FREM1: variants seen among roughly 807,000 people sequenced by gnomAD.
FREM1 encodes FRAS1-related extracellular matrix protein 1.
In FREM1, 220 loss-of-function variants were observed where a neutral mutation model predicts 210.1. That is an observed-to-expected ratio of 1.05 (90% CI 0.94 to 1.17). The LOEUF (loss-of-function observed/expected upper bound fraction) is 1.17. FREM1 is among the 50% of genes most tolerant of loss of function. The pLI is 0.00. For synonymous variants in FREM1, 1,189 were observed against 980.2 expected (o/e 1.21, Z -3.98); for missense variants, 3,454 against 2,675.5 (o/e 1.29, Z -6.42).
At chr9:14,756,518 T>C in intron 28 of FREM1, 72 bp from the exon 29 acceptor site, 2 of 1,074,268 alleles carry the variant, frequency 1.9e-6, no homozygotes, top group South Asian at 1.4e-5. Flanking sequence ...CTATTCTCCC[T>C]CATACTGGAC....
intron 25 of FREM1, among the ~76,000 whole-genome samples, chr9:14,775,159 AAGGAAAAGTAGATTCAGAAG>A (rs985003863): frequency 1.4e-4 from 22 of 152,204 alleles, no homozygotes; most frequent in Non-Finnish European, 2.4e-4. Flanking sequence ...TTTTTCAAAG[AAGGAAAAGTAGATTCAGAAG>A]AGTTAAAGAA....
chr9:14,808,767 G>A lies in FREM1; in HGVS notation c.2894-633C>T, dbSNP rs114970278. Among the ~76,000 whole-genome samples, 887 of 152,164 alleles carry A rather than the reference G, an allele frequency of 5.8e-3. 7 individuals are homozygous for A. The highest frequency in any genetic ancestry group is 0.02 in the African/African-American group (843 of 41,496). ...TCACTGTTTAGGTCTTACATCTGTAGGATTCAAAATGTCCCCAGTTTAGAC... is the reference window on the plus strand; with the variant it reads ...TCACTGTTTAGGTCTTACATCTGTAAGATTCAAAATGTCCCCAGTTTAGAC... On this transcript the variant is annotated intron_variant, in intron 16 of 36. Transcript: ENST00000380880.
At chr9:14,779,273 G>C (rs1004547849) in intron 24 of FREM1, among the ~76,000 whole-genome samples, 4 of 152,176 alleles carry the variant, frequency 2.6e-5, no homozygotes, top group Non-Finnish European at 5.9e-5. Flanking sequence ...GTGCTCTGTG[G>C]AGAGTGTTAA....
intron 1 of FREM1, among the ~76,000 whole-genome samples, chr9:14,896,757 A>C (rs950576352): frequency 6.6e-6 from 1 of 152,242 alleles, no homozygotes; most frequent in African/African-American, 2.4e-5. Context: ...CTGTGATAGC[A>C]TAGGAGCAAA....
Position 14,837,660 on chromosome 9 carries a change from A to C in FREM1, c.1881+3787T>G, listed in dbSNP as rs142532078. Among the ~76,000 whole-genome samples the C allele has an allele frequency of 1.1e-3, 165 of 152,338 alleles. 1 individual carries two copies. Among genetic ancestry groups the C allele is most frequent in the African/African-American group, 3.7e-3 (153 of 41,586 alleles). ...ATTAAGTGGAGCCTCACTGATCCACACTATGGCTGGGAAGTCCCACAGAGA... is the reference window on the plus strand; with the variant it reads ...ATTAAGTGGAGCCTCACTGATCCACCCTATGGCTGGGAAGTCCCACAGAGA... On this transcript the variant is annotated intron_variant, in intron 10 of 36. Transcript: ENST00000380880.
At chr9:14,833,726 T>G (rs1286503719) in intron 10 of FREM1, among the ~76,000 whole-genome samples, 1 of 152,214 alleles carries the variant, frequency 6.6e-6, no homozygotes, top group Non-Finnish European at 1.5e-5. Context: ...GATATTCAAG[T>G]TAGAGGTATA....
intron 23 of FREM1, 84 bp from the exon 24 acceptor site, chr9:14,784,718 A>T (rs1850144450): frequency 9.5e-7 from 1 of 1,052,092 alleles, no homozygotes; most frequent in African/African-American, 1.6e-5. Flanking sequence ...AAAGGCCAAA[A>T]CTGTGCAAAA....
chr9:14,857,263 G>A (rs933939135), intron 5 of FREM1, among the ~76,000 whole-genome samples: 3 of 152,162 alleles, frequency 2.0e-5, no homozygotes, highest in Non-Finnish European at 4.4e-5. Flanking sequence ...AGAGTATTGG[G>A]AGTAAAGGAG....
intron 3 of FREM1, among the ~76,000 whole-genome samples, chr9:14,860,238 C>T (rs1268822738): frequency 6.6e-6 from 1 of 151,988 alleles, no homozygotes; most frequent in African/African-American, 2.4e-5. Context: ...GAGGAAGAAA[C>T]TCAGGCATAA....
At chr9:14,821,582 C>T (rs1033204928) in intron 13 of FREM1, among the ~76,000 whole-genome samples, 2 of 152,198 alleles carry the variant, frequency 1.3e-5, no homozygotes, top group Non-Finnish European at 2.9e-5. Context: ...TATTTCACCA[C>T]CGGGAATATG....
At chr9:14,746,558 C>A in intron 34 of FREM1, 90 bp from the exon 35 acceptor site, 1 of 981,770 alleles carries the variant, frequency 1.0e-6, no homozygotes, top group Non-Finnish European at 1.6e-6. Context: ...TCCCTAACTT[C>A]AGTCAAGTAG....
chr9:14,870,830 G>A (rs933141376), intron 1 of FREM1, among the ~76,000 whole-genome samples: 67 of 120,690 alleles, frequency 5.6e-4, no homozygotes, highest in Middle Eastern at 6.8e-3. Flanking sequence ...ACAGTCCCCA[G>A]AGTGTGATGT....
rs1014348919 is a variant in FREM1, at chr9:14,740,069, G to A, written c.6340+80C>T. The A allele has an allele frequency of 7.6e-6, 6 of 789,326 alleles. No individual in the cohort carries two copies. In the African/African-American group the frequency reaches 8.6e-5, roughly 11 times the overall value. The allele number at this position is 789,326 out of a possible 1,614,324, so 48.9% of individuals were successfully genotyped here. A position where few individuals can be genotyped will look rare whatever the true frequency, so the allele number is the denominator to read the frequency against. On this transcript the variant is annotated intron_variant, in intron 36 of 36. Coordinates refer to ENST00000380880, the MANE Select transcript of FREM1 (RefSeq NM_001379081.2). ...AACCACTATCATTTAACCCATGGAA[G>A]GAAGTAGCAGGGTGGTGGTGCCTGT...
Position 14,784,527 on chromosome 9 carries a change from G to C in FREM1, c.4285C>G (p.Leu1429Val). The C allele has an allele frequency of 6.2e-7, 1 of 1,613,808 alleles. No homozygotes were observed. Among genetic ancestry groups the C allele is most frequent in the Non-Finnish European group, 8.5e-7 (1 of 1,179,804 alleles). ...GGAGGGGAGGTGATGACATAGAGCA[G>C]TTCCTCAGGCTTGTCTGTTCCGTCC... The part of the protein sequence containing the change: ...AVDGTDKPEE[L>V]LYVITSPPRY... Residue 1429 changes from leucine (L) to valine (V), a missense_variant, in exon 24 of 37, where the codon CTG becomes GTG. Physicochemically the swap from Leu to Val is conservative, Grantham distance 32. Transcript: ENST00000380880.
chr9:14,740,944 TTAAG>T (rs1351161481), intron 35 of FREM1, among the ~76,000 whole-genome samples: 8 of 152,126 alleles, frequency 5.3e-5, no homozygotes, highest in African/African-American at 1.7e-4. Context: ...TAAAAATGCT[TTAAG>T]TAAGAAGCCA....
Position 14,860,750 on chromosome 9 carries a change from C to A in FREM1, c.330-1266G>T, listed in dbSNP as rs533306557. 1.3e-3 allele frequency among the ~76,000 whole-genome samples: 140 copies of A among 108,064 alleles called. 4 individuals carry two copies. The highest frequency in any genetic ancestry group is 5.6e-3 in the African/African-American group (131 of 23,434). The allele number at this position is 108,064 out of a possible 152,430, so 70.9% of individuals were successfully genotyped here. ...ATACACATATATACACATATATATG[C>A]ACATATATATGCACATATATACACA... On this transcript the variant is annotated intron_variant, in intron 3 of 36. Coordinates refer to ENST00000380880, the MANE Select transcript of FREM1 (RefSeq NM_001379081.2).
rs191614690 is a variant in FREM1 at position 14,737,156 on chromosome 9, T to A, written c.*240A>T. The A allele has an allele frequency of 5.1e-4, 207 of 406,756 alleles. No homozygotes were observed. Among genetic ancestry groups the A allele is most frequent in the Non-Finnish European group, 2.8e-4 (65 of 230,730 alleles). The allele number at this position is 406,756 out of a possible 1,614,324, so 25.2% of individuals were successfully genotyped here. ...TGGAATAAACAAACCTTACACTTTA[T>A]AATACTGCTGGCATTTATTTTAAAA... On this transcript the variant is annotated 3_prime_UTR_variant, in exon 37 of 37. Transcript: ENST00000380880.
At chr9:14,862,331 G>C (rs1232314959) in intron 3 of FREM1, among the ~76,000 whole-genome samples, 1 of 152,052 alleles carries the variant, frequency 6.6e-6, no homozygotes. Context: ...TTTTACATTA[G>C]TCTAATGCTT....
chr9:14,751,864 G>C (rs1300400837), intron 29 of FREM1: 2 of 151,764 alleles, frequency 1.3e-5, no homozygotes, highest in African/African-American at 4.8e-5. Context: ...TGCACTTAGA[G>C]GGGAAAAAAT....
Sources: gnomAD v4.1 joint callset for allele counts (sites outside exome capture counted in the v4.1 genomes callset) on GRCh38, gnomAD v4.1.1 for gene constraint, MANE v1.5 for transcripts, NCBI Gene and HGNC (gene_info 2026-07-23, HGNC 2026-07-21) for gene names.